The following ST8SIA1 variants were observed in gnomAD, a reference collection of about 807,000 sequenced individuals.
ST8SIA1 encodes ST8 alpha-N-acetyl-neuraminide alpha-2,8-sialyltransferase 1, also known as alpha-N-acetylneuraminide alpha-2,8-sialyltransferase.
In ST8SIA1, 16 loss-of-function variants were observed where a neutral mutation model predicts 35.9. The ratio of observed to expected loss-of-function variants is 0.45; its 90% CI spans 0.30 to 0.68. The LOEUF is 0.68. Among genes scored for constraint, ST8SIA1 ranks in the 30% least tolerant of loss-of-function variants. The probability of loss-of-function intolerance (pLI) is 0.09; values close to 1 mark genes in which losing one functional copy is unlikely to be tolerated. For synonymous variants in ST8SIA1, 170 were observed against 169.6 expected (o/e 1.00, Z -0.02); for missense variants, 383 against 453.6 (o/e 0.84, Z 1.41).
At chr12:22,285,877 C>CAAACAAAAAAAAAAAAACAAA (rs1481110959) in intron 2 of ST8SIA1, among the ~76,000 whole-genome samples, 2 of 103,674 alleles carry the variant, frequency 1.9e-5, no homozygotes, top group Admixed American at 1.1e-4. Flanking sequence ...CTGTCAAAAA[C>CAAACAAAAAAAAAAAAACAAA]AAAAAAAAAA....
chr12:22,259,415 C>A (rs1440676938), intron 2 of ST8SIA1, among the ~76,000 whole-genome samples: 2 of 152,046 alleles, frequency 1.3e-5, no homozygotes, highest in African/African-American at 4.8e-5. Context: ...ACAATAACAG[C>A]ACACCAAAGC....
Position 22,334,228 on chromosome 12 carries a change from C to T in ST8SIA1, c.5G>A (p.Ser2Asn). M[S>N]PCGRARRQTS... ...TTGTCGCCGGGCCCGCCCGCAGGGGCTCATCGCAGCCCCGGCGTCCCAGGG... is the reference window on the plus strand; with the variant it reads ...TTGTCGCCGGGCCCGCCCGCAGGGGTTCATCGCAGCCCCGGCGTCCCAGGG... The change falls in exon 1 of 5, where the codon AGC (serine) becomes AAC (asparagine). Residue 2 changes from serine (S) to asparagine (N), a missense_variant. Coordinates refer to ENST00000396037, the MANE Select transcript of ST8SIA1 (RefSeq NM_003034.4). 1.2e-6 allele frequency: 2 copies of T among 1,610,850 alleles called. No homozygotes were observed. The highest frequency in any genetic ancestry group is 1.7e-5 in the Admixed American group (1 of 59,938).
intron 2 of ST8SIA1, chr12:22,286,507 CTCCCCAAAACTAGGGT>C: frequency 1.9e-6 from 1 of 518,796 alleles, no homozygotes; most frequent in South Asian, 1.4e-5. Context: ...AAGATCTCCC[CTCCCCAAAACTAGGGT>C]TCCCTAAAAT....
At chr12:22,244,431 T>C (rs1865575467) in intron 4 of ST8SIA1, among the ~76,000 whole-genome samples, 1 of 152,132 alleles carries the variant, frequency 6.6e-6, no homozygotes, top group Non-Finnish European at 1.5e-5. Flanking sequence ...TCTTTGTCCC[T>C]AGCCATATTG....
intron 2 of ST8SIA1, among the ~76,000 whole-genome samples, chr12:22,285,730 T>G (rs1486639441): frequency 6.6e-6 from 1 of 151,572 alleles, no homozygotes; most frequent in Non-Finnish European, 1.5e-5. Context: ...AACAGCTGGG[T>G]ATGGTGGCAC....
Position 22,255,324 on chromosome 12 carries a change from C to G in ST8SIA1, c.447G>C (p.Lys149Asn), listed in dbSNP as rs775949982. Residue 149 changes from lysine (K) to asparagine (N), a missense_variant, in exon 3 of 5, where the codon AAG (lysine) becomes AAC (asparagine). Transcript: ENST00000396037. ...CATCTATTTGACGGCCACAGCCACT[C>G]TTCTTCAGAATCCCACCATTTCCCA... The part of the protein sequence containing the change: ...AVVGNGGILK[K>N]SGCGRQIDEA... The G allele has an allele frequency of 1.9e-6, 3 of 1,614,120 alleles. No individual in the cohort carries two copies. Among genetic ancestry groups the G allele is most frequent in the African/African-American group, 1.3e-5 (1 of 74,948 alleles).
At chr12:22,326,212 C>T in intron 1 of ST8SIA1, 1 of 262,642 alleles carries the variant, frequency 3.8e-6, no homozygotes, top group South Asian at 8.1e-5. Context: ...TTGCCAGCAC[C>T]TAACTGGTAC....
intron 3 of ST8SIA1, among the ~76,000 whole-genome samples, 171 bp downstream of exon 3, chr12:22,255,109 C>G (rs1016002803): frequency 1.3e-5 from 2 of 152,142 alleles, no homozygotes; most frequent in Non-Finnish European, 2.9e-5. Flanking sequence ...TGTTCCCTCG[C>G]TCCCCTTACC....
chr12:22,286,978 A>T (rs1031072868), intron 2 of ST8SIA1, among the ~76,000 whole-genome samples, 171 bp downstream of exon 2: 8 of 152,216 alleles, frequency 5.3e-5, no homozygotes, highest in Admixed American at 4.6e-4. Flanking sequence ...TTGCATCAAA[A>T]CACTGTGATT....
rs1252922907 is a variant in ST8SIA1, at chr12:22,201,340, T to C, written c.*212A>G. ...CATTTTACTAGTTGCAAATCTGCCA[T>C]GTGCTATAAAGTATTTCATAGGATG... On this transcript the variant is annotated 3_prime_UTR_variant, in exon 5 of 5. Transcript: ENST00000396037. 6 of 543,138 alleles carry C rather than the reference T, an allele frequency of 1.1e-5. No homozygotes were observed. The highest frequency in any genetic ancestry group is 9.6e-5 in the African/African-American group (5 of 52,206). 33.6% of individuals were successfully genotyped at this position (543,138 alleles called of 1,614,324 possible). A position where few individuals can be genotyped will look rare whatever the true frequency, so the allele number is the denominator to read the frequency against.
chr12:22,259,688 G>A (rs949954532), intron 2 of ST8SIA1, among the ~76,000 whole-genome samples: 3 of 151,828 alleles, frequency 2.0e-5, no homozygotes, highest in African/African-American at 7.3e-5. Flanking sequence ...GGATGGTCTC[G>A]ATCTCCTGAC....
chr12:22,255,837 C>T (rs1865723230), intron 2 of ST8SIA1, among the ~76,000 whole-genome samples: 1 of 152,182 alleles, frequency 6.6e-6, no homozygotes, highest in Non-Finnish European at 1.5e-5. Flanking sequence ...CCTTTGCTAA[C>T]TGTTGGGGAG....
At chr12:22,259,247 T>C (rs898009567) in intron 2 of ST8SIA1, among the ~76,000 whole-genome samples, 1 of 152,052 alleles carries the variant, frequency 6.6e-6, no homozygotes, top group African/African-American at 2.4e-5. Flanking sequence ...ATCCATGCAC[T>C]AGTAAATACC....
At chr12:22,329,174 T>A (rs530187459) in intron 1 of ST8SIA1, among the ~76,000 whole-genome samples, 1 of 152,162 alleles carries the variant, frequency 6.6e-6, no homozygotes, top group Non-Finnish European at 1.5e-5. Flanking sequence ...GAGAGATGTA[T>A]ACAGCATTGC....
chr12:22,231,388 T>C (rs1223088027), intron 4 of ST8SIA1, among the ~76,000 whole-genome samples: 6 of 151,398 alleles, frequency 4.0e-5, no homozygotes, highest in African/African-American at 1.2e-4. Flanking sequence ...CTTTTTTTTT[T>C]CTGAGCTGTG....
chr12:22,296,211 G>A (rs1866241621), intron 1 of ST8SIA1, among the ~76,000 whole-genome samples: 1 of 152,158 alleles, frequency 6.6e-6, no homozygotes, highest in African/African-American at 2.4e-5. Context: ...TGGTGTATTG[G>A]GGGAGAGGCT....
intron 4 of ST8SIA1, among the ~76,000 whole-genome samples, chr12:22,225,286 C>T (rs1865343404): frequency 6.6e-6 from 1 of 152,178 alleles, no homozygotes; most frequent in South Asian, 2.1e-4. Context: ...TGATATATGG[C>T]CTCTGATGAA....
In ST8SIA1 at chr12:22,307,797, C is replaced by A. The variant is rs117049010; in HGVS notation, c.237-20504G>T. Reference sequence around the variant, plus strand: ...TTACAAGTTTATGCCTATTTACATTCTTCTCTTCTCATGTTATTAGTCTTT... The same window carrying A: ...TTACAAGTTTATGCCTATTTACATTATTCTCTTCTCATGTTATTAGTCTTT... On this transcript the variant is annotated intron_variant, in intron 1 of 4. Transcript: ENST00000396037. Among the ~76,000 whole-genome samples, 6 of 152,246 alleles carry A rather than the reference C, an allele frequency of 3.9e-5. No homozygotes were observed. In the East Asian group the frequency reaches 9.6e-4, roughly 24 times the overall value.
chr12:22,291,194 T>C (rs1866171300), intron 1 of ST8SIA1, among the ~76,000 whole-genome samples: 1 of 152,204 alleles, frequency 6.6e-6, no homozygotes, highest in Non-Finnish European at 1.5e-5. Context: ...AGACAGATAC[T>C]GAGGACACTT....
Sources: allele counts gnomAD v4.1 joint callset (sites outside exome capture counted in the v4.1 genomes callset), GRCh38; gene constraint gnomAD v4.1.1; transcripts MANE v1.5; gene names NCBI Gene and HGNC (gene_info 2026-07-23, HGNC 2026-07-21).